Variants in NCOA3 observed in about 807,000 individuals in gnomAD.
NCOA3 encodes the protein nuclear receptor coactivator 3.
Under a neutral mutation model 158.8 loss-of-function variants are expected in NCOA3, and 51 were observed. The observed-to-expected ratio is 0.32, with a 90% CI of 0.26 to 0.41. The LOEUF is 0.41. Ranked by LOEUF, NCOA3 falls within the 10% of genes least tolerant of loss-of-function variation. The probability of loss-of-function intolerance (pLI) is 1.00; values close to 1 mark genes in which losing one functional copy is unlikely to be tolerated. For synonymous variants in NCOA3, 537 were observed against 592.4 expected (o/e 0.91, Z 1.36); for missense variants, 1,510 against 1,746.6 (o/e 0.86, Z 2.41).
chr20:47,621,498 G>A (rs1020645939), intron 2 of NCOA3, among the ~76,000 whole-genome samples: 8 of 151,944 alleles, frequency 5.3e-5, no homozygotes, highest in African/African-American at 1.2e-4. Flanking sequence ...AACAGTGATC[G>A]TCTTGTTTTA....
intron 1 of NCOA3, among the ~76,000 whole-genome samples, chr20:47,511,727 T>C (rs2084145176): frequency 6.6e-6 from 1 of 151,180 alleles, no homozygotes; most frequent in South Asian, 2.1e-4. Flanking sequence ...CTAATTTTTG[T>C]ATTTTTAGTA....
In NCOA3 at chr20:47,603,483, GCTCT is replaced by G. The variant is rs1453620256; in HGVS notation, c.-19-18745_-19-18742del. 3.9e-5 allele frequency among the ~76,000 whole-genome samples: 6 copies of G among 152,368 alleles called. No homozygotes were observed. In the East Asian group the frequency reaches 1.2e-3, roughly 29 times the overall value. ...CCCAAGTAGGCATGTGTTACAGTAT[GCTCT>G]TTTTGCTTTGCCGACCATGGACGGC... On this transcript the variant is annotated intron_variant, in intron 2 of 22. Coordinates refer to ENST00000371998, the MANE Select transcript of NCOA3 (RefSeq NM_181659.3).
chr20:47,523,002 A>AAC (rs2084370650), intron 1 of NCOA3, among the ~76,000 whole-genome samples: 1 of 152,010 alleles, frequency 6.6e-6, no homozygotes, highest in Non-Finnish European at 1.5e-5. Context: ...CATCCTGGCT[A>AAC]ACACAGTGAA....
rs6018604 is a variant in NCOA3 at position 47,633,957 on chromosome 20, T to G, written c.965-91T>G. The G allele has an allele frequency of 0.09, 130,846 of 1,448,966 alleles. 7,493 individuals carry two copies. The highest frequency in any genetic ancestry group is 0.26 in the African/African-American group (18,411 of 70,174). 89.8% of individuals were successfully genotyped at this position (1,448,966 alleles called of 1,614,324 possible). A position where few individuals can be genotyped will look rare whatever the true frequency, so the allele number is the denominator to read the frequency against. On this transcript the variant is annotated intron_variant, in intron 9 of 22. Transcript: ENST00000371998. ...CAGTCTTTCCTTGGATTTTTAGAAA[T>G]GTACTTGAAGTATATTTCCTCCCTG...
intron 1 of NCOA3, among the ~76,000 whole-genome samples, chr20:47,509,250 C>T (rs553631583): frequency 4.6e-5 from 7 of 151,714 alleles, no homozygotes; most frequent in Admixed American, 2.0e-4. Flanking sequence ...AAAAATTAGC[C>T]GGGCATGGTG....
chr20:47,515,605 G>C (rs990849898), intron 1 of NCOA3, among the ~76,000 whole-genome samples: 1 of 150,894 alleles, frequency 6.6e-6, no homozygotes, highest in Non-Finnish European at 1.5e-5. Flanking sequence ...ATGCCTCAGC[G>C]TACTGAGTAG....
intron 1 of NCOA3, among the ~76,000 whole-genome samples, chr20:47,563,903 A>AG (rs1471287397): frequency 2.7e-5 from 4 of 146,850 alleles, no homozygotes; most frequent in Admixed American, 1.4e-4. Flanking sequence ...AAAAAAAAAA[A>AG]AGAAAGAAAA....
chr20:47,643,940 T>C (rs752166731), intron 17 of NCOA3, among the ~76,000 whole-genome samples: 127 of 152,000 alleles, frequency 8.4e-4, no homozygotes, highest in Non-Finnish European at 1.5e-3. Flanking sequence ...TTAGGAACTT[T>C]TTCTCTCCGA....
At chr20:47,522,406 C>CTTTTTTTTTTTT (rs3091963) in intron 1 of NCOA3, among the ~76,000 whole-genome samples, 1 of 128,164 alleles carries the variant, frequency 7.8e-6, no homozygotes, top group African/African-American at 3.0e-5. Context: ...GCGCCCGGCC[C>CTTTTTTTTTTTT]TTTTTTTTTT....
At chr20:47,537,642 C>T (rs147465911) in intron 1 of NCOA3, among the ~76,000 whole-genome samples, 3 of 150,596 alleles carry the variant, frequency 2.0e-5, no homozygotes, top group East Asian at 1.9e-4. Flanking sequence ...GCAGGTGGCA[C>T]GATCTCAGCT....
chr20:47,554,762 C>G (rs143949681), intron 1 of NCOA3, among the ~76,000 whole-genome samples: 2,315 of 152,112 alleles, frequency 0.015, 18 homozygotes, highest in Non-Finnish European at 0.022. Flanking sequence ...GAATCAATAT[C>G]GTGAAAAAGG....
chr20:47,517,451 C>CT (rs376699406), intron 1 of NCOA3, among the ~76,000 whole-genome samples: 7,036 of 129,238 alleles, frequency 0.054, 582 homozygotes, highest in African/African-American at 0.17. Context: ...TTTTCTTTTT[C>CT]TTTTTTTTTT....
At chr20:47,587,769 C>G (rs1226030940) in intron 2 of NCOA3, among the ~76,000 whole-genome samples, 1 of 152,042 alleles carries the variant, frequency 6.6e-6, no homozygotes, top group Non-Finnish European at 1.5e-5. Flanking sequence ...GGGCCGACTT[C>G]GCATGTGTTC....
At chr20:47,532,933 G>A (rs1003419529) in intron 1 of NCOA3, among the ~76,000 whole-genome samples, 4 of 151,482 alleles carry the variant, frequency 2.6e-5, no homozygotes, top group East Asian at 3.9e-4. Flanking sequence ...GTGAAACCCC[G>A]TCTGTACTAC....
chr20:47,594,664 CAAAAAAAAAAA>C lies in NCOA3; in HGVS notation c.-20+11424_-20+11434del, dbSNP rs377014290. Reference sequence around the variant, plus strand: ...TGGGCGACAGAGCGAGACTCTGTCTCAAAAAAAAAAAAAAAAAAAAAAAAAAAAAAAGAGAA... The same window carrying C: ...TGGGCGACAGAGCGAGACTCTGTCTCAAAAAAAAAAAAAAAAAAAAGAGAA... On this transcript the variant is annotated intron_variant, in intron 2 of 22. Transcript: ENST00000371998. Among the ~76,000 whole-genome samples, 496 of 72,914 alleles carry C rather than the reference CAAAAAAAAAAA, an allele frequency of 6.8e-3. 3 individuals are homozygous for C. Among genetic ancestry groups the C allele is most frequent in the African/African-American group, 0.027 (441 of 16,454 alleles). 47.8% of individuals were successfully genotyped at this position (72,914 alleles called of 152,430 possible).
chr20:47,618,762 A>C (rs755572119), intron 2 of NCOA3, among the ~76,000 whole-genome samples: 2 of 152,228 alleles, frequency 1.3e-5, no homozygotes, highest in African/African-American at 4.8e-5. Flanking sequence ...TTGTGAGATC[A>C]AGAGAAAAAG....
chr20:47,517,820 TA>T (rs2084260601), intron 1 of NCOA3, among the ~76,000 whole-genome samples: 1 of 152,160 alleles, frequency 6.6e-6, no homozygotes, highest in African/African-American at 2.4e-5. Context: ...TCACATTACT[TA>T]GCACAATTCT....
Position 47,639,967 on chromosome 20 carries a change from G to T in NCOA3, c.2996G>T (p.Gly999Val). Residue 999 changes from glycine (G) to valine (V), a missense_variant, in exon 16 of 23, where the codon GGC (glycine) becomes GTC (valine). By Grantham distance (109) the Gly-to-Val change is moderately radical (BLOSUM62 -3). This residue lies in a region of NCOA3 where 1,017 missense variants were observed against 1,098.3 expected (regional missense o/e 0.93). Coordinates refer to ENST00000371998, the MANE Select transcript of NCOA3 (RefSeq NM_181659.3). ...ATGGGAATGGGGGCTAATCCCTATG[G>T]CCAAGCAGCAGCATCTAACCAACTG... ...IPMGMGANPYGQAAASNQLGS... is the reference protein window; with the variant it reads ...IPMGMGANPYVQAAASNQLGS... The T allele has an allele frequency of 6.2e-7, 1 of 1,614,196 alleles. No homozygotes were observed.
intron 1 of NCOA3, among the ~76,000 whole-genome samples, chr20:47,530,829 T>C (rs1052988424): frequency 6.6e-6 from 1 of 152,202 alleles, no homozygotes; most frequent in African/African-American, 2.4e-5. Flanking sequence ...TATATTAAAA[T>C]TGATGCTGTG....
Sources: allele counts gnomAD v4.1 joint callset (sites outside exome capture counted in the v4.1 genomes callset), GRCh38; gene constraint gnomAD v4.1.1; regional missense constraint gnomAD v4.1.1; transcripts MANE v1.5; gene names NCBI Gene and HGNC (gene_info 2026-07-23, HGNC 2026-07-21).